The following POU6F2 variants were observed in gnomAD, a reference collection of about 807,000 sequenced individuals.
POU6F2 encodes POU class 6 homeobox 2.
POU6F2 carries 31 observed loss-of-function variants against 71.3 expected under a neutral mutation model. That is an observed-to-expected ratio of 0.43 (90% confidence interval 0.33 to 0.59). POU6F2 has a LOEUF of 0.59. Ranked by LOEUF, POU6F2 falls within the 20% of genes least tolerant of loss-of-function variation. POU6F2 has a pLI of 0.04. For synonymous variants in POU6F2, 347 were observed against 355.7 expected (o/e 0.98, Z 0.27); for missense variants, 783 against 856.8 (o/e 0.91, Z 1.07).
chr7:39,067,743 A>G (rs1332062535), intron 1 of POU6F2, among the ~76,000 whole-genome samples: 1 of 152,164 alleles, frequency 6.6e-6, no homozygotes, highest in Non-Finnish European at 1.5e-5. Flanking sequence ...TGAGAAAAAT[A>G]CTTAGACCCC....
intron 4 of POU6F2, among the ~76,000 whole-genome samples, chr7:39,209,069 C>T (rs979122319): frequency 2.9e-4 from 44 of 151,914 alleles, no homozygotes; most frequent in African/African-American, 1.0e-3. Flanking sequence ...AAAAAGTAGG[C>T]TTGTTATTTC....
chr7:39,067,045 G>A (rs1790770415), intron 1 of POU6F2, among the ~76,000 whole-genome samples: 1 of 147,540 alleles, frequency 6.8e-6, no homozygotes, highest in South Asian at 2.1e-4. Flanking sequence ...AATATAAAAT[G>A]TATATATTAT....
At chr7:39,339,016 G>A (rs993747924) in intron 4 of POU6F2, among the ~76,000 whole-genome samples, 1 of 151,400 alleles carries the variant, frequency 6.6e-6, no homozygotes, top group African/African-American at 2.4e-5. Flanking sequence ...TAATCAGCAG[G>A]CAAAAAATTC....
chr7:39,145,547 A>G (rs912397368), intron 2 of POU6F2, among the ~76,000 whole-genome samples: 2 of 152,214 alleles, frequency 1.3e-5, no homozygotes, highest in African/African-American at 4.8e-5. Flanking sequence ...ACAGGTCCTA[A>G]TGTAACTGGA....
chr7:39,242,799 T>A (rs926395253), intron 4 of POU6F2, among the ~76,000 whole-genome samples: 1 of 152,256 alleles, frequency 6.6e-6, no homozygotes, highest in South Asian at 2.1e-4. Flanking sequence ...ACCAGATACA[T>A]GCAGGCACAC....
chr7:39,405,568 TG>T (rs1435349959), intron 5 of POU6F2, among the ~76,000 whole-genome samples: 1 of 152,140 alleles, frequency 6.6e-6, no homozygotes, highest in Non-Finnish European at 1.5e-5. Flanking sequence ...AGAAACTATA[TG>T]GGGAAAAAAA....
intron 1 of POU6F2, among the ~76,000 whole-genome samples, chr7:38,991,224 T>C (rs1681403787): frequency 6.6e-6 from 1 of 152,176 alleles, no homozygotes; most frequent in Non-Finnish European, 1.5e-5. Context: ...CAATTACCAT[T>C]ATACAATAAT....
At chr7:39,115,840 A>G (rs1007209341) in intron 2 of POU6F2, among the ~76,000 whole-genome samples, 7 of 152,174 alleles carry the variant, frequency 4.6e-5, no homozygotes, top group Non-Finnish European at 1.0e-4. Flanking sequence ...CTCTGTTTGT[A>G]TAGTATACTT....
At chr7:39,126,539 G>T (rs575221904) in intron 2 of POU6F2, among the ~76,000 whole-genome samples, 1 of 152,280 alleles carries the variant, frequency 6.6e-6, no homozygotes, top group African/African-American at 2.4e-5. Flanking sequence ...AGAAATGGCT[G>T]CATGAACTAC....
At chr7:39,227,442 G>A (rs943581543) in intron 4 of POU6F2, among the ~76,000 whole-genome samples, 1 of 152,066 alleles carries the variant, frequency 6.6e-6, no homozygotes, top group Middle Eastern at 3.4e-3. Flanking sequence ...TGCTTCTCAG[G>A]TGGGGCTGCC....
At chr7:39,335,769 T>G (rs1330006671) in intron 4 of POU6F2, among the ~76,000 whole-genome samples, 2 of 152,260 alleles carry the variant, frequency 1.3e-5, no homozygotes, top group African/African-American at 2.4e-5. Context: ...TTGGCTGTTC[T>G]GTGCCTGCTC....
chr7:39,149,950 ATCTCGGCT>A (rs1792715287), intron 2 of POU6F2, among the ~76,000 whole-genome samples: 1 of 150,936 alleles, frequency 6.6e-6, no homozygotes, highest in African/African-American at 2.4e-5. Context: ...CAGTGGCACA[ATCTCGGCT>A]CACTGCAAGC....
intron 4 of POU6F2, among the ~76,000 whole-genome samples, chr7:39,335,309 T>A (rs994694704): frequency 6.6e-6 from 1 of 152,172 alleles, no homozygotes; most frequent in African/African-American, 2.4e-5. Context: ...AAACACACAT[T>A]TACATTTCTC....
intron 6 of POU6F2, among the ~76,000 whole-genome samples, chr7:39,416,362 A>G (rs182824901): frequency 1.3e-5 from 2 of 152,286 alleles, no homozygotes; most frequent in Admixed American, 1.3e-4. Flanking sequence ...CCAGTGAGGC[A>G]ACCTAGCAAT....
chr7:39,172,444 T>C (rs2128739382), intron 2 of POU6F2, among the ~76,000 whole-genome samples: 1 of 152,262 alleles, frequency 6.6e-6, no homozygotes, highest in Middle Eastern at 3.4e-3. Context: ...CCTATAGAAC[T>C]TAACATAGTG....
At chr7:38,999,718 G>A (rs1314555653) in intron 1 of POU6F2, among the ~76,000 whole-genome samples, 2 of 152,166 alleles carry the variant, frequency 1.3e-5, no homozygotes, top group African/African-American at 2.4e-5. Context: ...TTTTTGCAAT[G>A]ACAATGCTGT....
At chr7:39,456,038 T>C (rs1788794533) in intron 8 of POU6F2, among the ~76,000 whole-genome samples, 1 of 152,214 alleles carries the variant, frequency 6.6e-6, no homozygotes, top group Non-Finnish European at 1.5e-5. Context: ...CTGGCCATCA[T>C]TGCTATTACT....
intron 2 of POU6F2, among the ~76,000 whole-genome samples, chr7:39,101,982 C>G (rs188570600): frequency 6.6e-6 from 1 of 152,254 alleles, no homozygotes; most frequent in African/African-American, 2.4e-5. Flanking sequence ...TTTACACTAT[C>G]TTTTGGAAGG....
At chr7:39,462,847 A>C (rs1200322599) in intron 9 of POU6F2, among the ~76,000 whole-genome samples, 1 of 152,212 alleles carries the variant, frequency 6.6e-6, no homozygotes, top group East Asian at 1.9e-4. Flanking sequence ...ATTGCATTAA[A>C]ATTTGGTTCT....
Sources: gnomAD v4.1 joint callset for allele counts (sites outside exome capture counted in the v4.1 genomes callset) on GRCh38, gnomAD v4.1.1 for gene constraint, MANE v1.5 for transcripts, NCBI Gene and HGNC (gene_info 2026-07-23, HGNC 2026-07-21) for gene names.